The following TTK variants were observed in gnomAD, a reference collection of about 807,000 sequenced individuals.
The protein encoded by TTK is dual specificity protein kinase TTK.
TTK carries 59 observed loss-of-function variants against 117.3 expected under a neutral mutation model. The ratio of observed to expected loss-of-function variants is 0.50; its 90% CI spans 0.41 to 0.62. The LOEUF (loss-of-function observed/expected upper bound fraction) is 0.62. Ranked by LOEUF, TTK falls within the 20% of genes least tolerant of loss-of-function variation. The probability of loss-of-function intolerance (pLI) is 0.00; values close to 1 mark genes in which losing one functional copy is unlikely to be tolerated. For missense variants in TTK, 921 were observed against 989.4 expected (o/e 0.93, Z 0.93); for synonymous variants, 302 against 325.0 (o/e 0.93, Z 0.76).
chr6:80,015,938 A>G (rs923495878), intron 10 of TTK, among the ~76,000 whole-genome samples: 4 of 151,942 alleles, frequency 2.6e-5, no homozygotes, highest in Non-Finnish European at 5.9e-5. Context: ...CCTCCTAAAT[A>G]CCTCTCTCCT....
chr6:80,028,625 C>T (rs747147704), intron 13 of TTK, among the ~76,000 whole-genome samples: 2 of 151,990 alleles, frequency 1.3e-5, no homozygotes, highest in South Asian at 4.2e-4. Flanking sequence ...GCCAGCGTTA[C>T]TTTTTGTTGT....
intron 17 of TTK, among the ~76,000 whole-genome samples, chr6:80,036,961 GTAAGA>G (rs1460920081): frequency 6.6e-6 from 1 of 152,042 alleles, no homozygotes; most frequent in East Asian, 1.9e-4. Flanking sequence ...TGTCTATGAG[GTAAGA>G]TCATTTTTAT....
At chr6:80,009,834 G>A (rs894261892) in intron 4 of TTK, among the ~76,000 whole-genome samples, 3 of 151,930 alleles carry the variant, frequency 2.0e-5, no homozygotes, top group African/African-American at 7.2e-5. Flanking sequence ...TATTTTTATA[G>A]GGATGGAGGA....
At chr6:80,010,699 T>C in intron 4 of TTK, 115 bp from the exon 5 acceptor site, 1 of 1,043,540 alleles carries the variant, frequency 9.6e-7, no homozygotes, top group South Asian at 2.1e-5. Flanking sequence ...GAATAAATAT[T>C]TTTGCTTAAG....
intron 21 of TTK, among the ~76,000 whole-genome samples, chr6:80,041,522 C>T (rs1411008328): frequency 2.0e-5 from 3 of 151,434 alleles, no homozygotes; most frequent in Non-Finnish European, 4.4e-5. Flanking sequence ...TTTTGTATCT[C>T]CATGTTTTAA....
intron 16 of TTK, 99 bp downstream of exon 16, chr6:80,035,516 G>A (rs1045748789): frequency 1.7e-6 from 2 of 1,179,114 alleles, no homozygotes; most frequent in Non-Finnish European, 1.1e-6. Flanking sequence ...GGTTATTGGT[G>A]TCTTTAACGA....
In TTK at chr6:80,039,835, C is replaced by T; in HGVS notation, c.2270C>T (p.Pro757Leu). 1 of 1,581,426 alleles carries T rather than the reference C, an allele frequency of 6.3e-7. No homozygotes were observed. Among genetic ancestry groups the T allele is most frequent in the East Asian group, 2.3e-5 (1 of 43,472 alleles). The change falls in exon 19 of 22, where the codon CCC becomes CTC. Residue 757 changes from proline to leucine, a missense_variant. Transcript: ENST00000369798. ...GATCCTAATCATGAAATTGAATTTC[C>T]CGATATTCCAGAGAAAGATCTTCAA... ...IIDPNHEIEF[P>L]DIPEKDLQDV...
At chr6:80,031,631 G>A in intron 14 of TTK, 72 bp downstream of exon 14, 2 of 1,165,984 alleles carry the variant, frequency 1.7e-6, no homozygotes, top group South Asian at 1.7e-5. Flanking sequence ...CTTTTTACCT[G>A]TGAGGGCTGC....
chr6:80,031,152 A>T (rs756371571), intron 13 of TTK, among the ~76,000 whole-genome samples: 5 of 151,338 alleles, frequency 3.3e-5, no homozygotes, highest in African/African-American at 1.2e-4. Context: ...AATGAAAAAT[A>T]TAATTTTATA....
In TTK at chr6:80,031,459, T is replaced by G. The variant is rs1286709351; in HGVS notation, c.1522-8T>G. The stretch of plus-strand genomic sequence containing the variant: ...ATTAACTTTTATTTATATATTTTAC[T>G]TATTTAGGTTTTAGCATCTTCTTCA... On this transcript the variant is annotated splice_region_variant and splice_polypyrimidine_tract_variant and intron_variant, in intron 13 of 21. Coordinates refer to ENST00000369798, the MANE Select transcript of TTK (RefSeq NM_003318.5). 7 of 1,471,186 alleles carry G rather than the reference T, an allele frequency of 4.8e-6. No homozygotes were observed. Among genetic ancestry groups the G allele is most frequent in the Non-Finnish European group, 5.4e-6 (6 of 1,112,282 alleles). The allele number at this position is 1,471,186 out of a possible 1,614,324, so 91.1% of individuals were successfully genotyped here. A position where few individuals can be genotyped will look rare whatever the true frequency, so the allele number is the denominator to read the frequency against.
At chr6:80,028,161 AGT>A in intron 13 of TTK, 150 bp downstream of exon 13, 1 of 840,712 alleles carries the variant, frequency 1.2e-6, no homozygotes, top group South Asian at 3.6e-5. Flanking sequence ...TTCTAATAAG[AGT>A]GTGCCTTGTG....
chr6:80,009,474 A>G (rs1402864415), intron 4 of TTK, among the ~76,000 whole-genome samples: 5 of 152,092 alleles, frequency 3.3e-5, no homozygotes, highest in Non-Finnish European at 5.9e-5. Flanking sequence ...CTCTAGAAAA[A>G]TGGATTCCTC....
At chr6:80,008,106 A>ATGCATAATATGT in intron 3 of TTK, 75 bp downstream of exon 3, 1 of 1,475,208 alleles carries the variant, frequency 6.8e-7, no homozygotes, top group Non-Finnish European at 9.1e-7. Context: ...AGAAAATAAA[A>ATGCATAATATGT]AACATGGCAG....
intron 2 of TTK, 53 bp downstream of exon 2, chr6:80,006,035 G>T: frequency 6.4e-7 from 1 of 1,570,368 alleles, no homozygotes; most frequent in African/African-American, 1.4e-5. Context: ...TATCCTCTAA[G>T]GTAAAGATAT....
chr6:80,026,386 T>TA lies in TTK; in HGVS notation c.1267dup (p.Thr423AsnfsTer4). 6.2e-7 allele frequency: 1 copy of TA among 1,612,900 alleles called. No homozygotes were observed. The highest frequency in any genetic ancestry group is 8.5e-7 in the Non-Finnish European group (1 of 1,179,598). On this transcript the variant is annotated frameshift_variant, in exon 12 of 22. Transcript: ENST00000369798. LOFTEE classifies it high-confidence loss of function. ...TCTTTATTTTGTTTTAGCAGAAACA[T>TA]ACCACTTTTGAGCAACCTGTCTTTT...
intron 4 of TTK, 137 bp downstream of exon 4, chr6:80,008,629 G>A (rs968161736): frequency 8.0e-6 from 5 of 628,164 alleles, no homozygotes; most frequent in Admixed American, 3.6e-5. Context: ...AATATGGGGA[G>A]AAAATGCCAC....
intron 10 of TTK, among the ~76,000 whole-genome samples, chr6:80,019,696 T>G (rs2127674299): frequency 6.6e-6 from 1 of 152,316 alleles, no homozygotes; most frequent in Admixed American, 6.5e-5. Context: ...CTCAGAAGAT[T>G]GAGCTGTTTT....
In TTK at chr6:80,026,371, G is replaced by C; in HGVS notation, c.1258-7G>C. On this transcript the variant is annotated splice_region_variant and splice_polypyrimidine_tract_variant and intron_variant, in intron 11 of 21. Coordinates refer to ENST00000369798, the MANE Select transcript of TTK (RefSeq NM_003318.5). ...ACTAAATCATGGTGTTCTTTATTTT[G>C]TTTTAGCAGAAACATACCACTTTTG... The C allele has an allele frequency of 6.2e-7, 1 of 1,606,650 alleles. No individual in the cohort carries two copies. Among genetic ancestry groups the C allele is most frequent in the African/African-American group, 1.3e-5 (1 of 74,484 alleles).
chr6:80,031,963 A>T (rs1171904846), intron 14 of TTK, among the ~76,000 whole-genome samples: 1 of 152,198 alleles, frequency 6.6e-6, no homozygotes, highest in Admixed American at 6.5e-5. Flanking sequence ...CTTTTGAGTT[A>T]TTCATTTCAG....
Sources: allele counts gnomAD v4.1 joint callset (sites outside exome capture counted in the v4.1 genomes callset), GRCh38; gene constraint gnomAD v4.1.1; transcripts MANE v1.5; gene names NCBI Gene and HGNC (gene_info 2026-07-23, HGNC 2026-07-21).